The following BTG4 variants were observed in gnomAD, a reference collection of about 807,000 sequenced individuals.
BTG4 encodes protein BTG4.
In BTG4, 10 loss-of-function variants were observed where a neutral mutation model predicts 19.3. The observed-to-expected ratio is 0.52, with a 90% CI of 0.32 to 0.88. The LOEUF is 0.88. Among genes scored for constraint, BTG4 ranks in the 40% least tolerant of loss-of-function variants. The pLI, the probability that BTG4 is intolerant of heterozygous loss-of-function variation, is 0.04. For synonymous variants in BTG4, 91 were observed against 95.7 expected (o/e 0.95, Z 0.29); for missense variants, 238 against 281.9 (o/e 0.84, Z 1.11).
At chr11:111,387,532 C>T in the BTG4 span, among the ~76,000 whole-genome samples, 1 of 152,170 alleles carries the variant, frequency 6.6e-6, no homozygotes, top group African/African-American at 2.4e-5. Flanking sequence ...AGCCTGGCCT[C>T]CACAGCAGGC....
chr11:111,502,284 C>T (rs1866137920), intron 1 of BTG4, among the ~76,000 whole-genome samples: 1 of 152,058 alleles, frequency 6.6e-6, no homozygotes. Flanking sequence ...GACATTCTGA[C>T]TTAATTGGTA....
intron 1 of BTG4, among the ~76,000 whole-genome samples, chr11:111,503,889 C>T (rs1866262266): frequency 1.3e-5 from 2 of 152,076 alleles, no homozygotes; most frequent in Admixed American, 1.3e-4. Context: ...AAATCTGGTT[C>T]TACATTTGTC....
downstream of BTG4, among the ~76,000 whole-genome samples, chr11:111,466,549 G>T (rs1056107675): frequency 2.0e-5 from 3 of 152,152 alleles, no homozygotes; most frequent in Non-Finnish European, 4.4e-5. Flanking sequence ...TTTCCATAAA[G>T]GTGGACAGAA....
the BTG4 span, chr11:111,450,382 G>A: frequency 6.5e-6 from 1 of 152,766 alleles, no homozygotes; most frequent in South Asian, 2.1e-4. Context: ...ACGTGCTGTG[G>A]GCCATCCCTG....
Position 111,495,114 on chromosome 11 carries a change from A to T in BTG4, c.*21T>A. 1 of 1,510,358 alleles carries T rather than the reference A, an allele frequency of 6.6e-7. No homozygotes were observed. The highest frequency in any genetic ancestry group is 8.8e-7 in the Non-Finnish European group (1 of 1,132,058). 93.6% of individuals were successfully genotyped at this position (1,510,358 alleles called of 1,614,324 possible). On this transcript the variant is annotated 3_prime_UTR_variant, in exon 5 of 5. Transcript: ENST00000692032. The stretch of plus-strand genomic sequence containing the variant: ...AAGGCACTCCTCTGAGCTCTTGCCC[A>T]CCACGTGCCCAGTCGCTGCGTCATC...
chr11:111,453,223 G>A, the BTG4 span, among the ~76,000 whole-genome samples: 1 of 152,170 alleles, frequency 6.6e-6, no homozygotes, highest in Non-Finnish European at 1.5e-5. Flanking sequence ...TAGCAGTAGG[G>A]TGGAGGACAG....
chr11:111,432,854 TC>T, the BTG4 span, among the ~76,000 whole-genome samples: 1 of 152,084 alleles, frequency 6.6e-6, no homozygotes, highest in Admixed American at 6.5e-5. Context: ...AAGTAATATA[TC>T]TTTTTTTTTT....
intron 5 of BTG4, among the ~76,000 whole-genome samples, chr11:111,480,444 A>T (rs1864670062): frequency 6.6e-6 from 1 of 152,040 alleles, no homozygotes; most frequent in Non-Finnish European, 1.5e-5. Context: ...AGAACTCGAC[A>T]CCATCAATCA....
intron 5 of BTG4, among the ~76,000 whole-genome samples, chr11:111,468,380 T>G (rs1008544917): frequency 1.3e-5 from 2 of 152,208 alleles, no homozygotes; most frequent in African/African-American, 4.8e-5. Flanking sequence ...CACTATGGGG[T>G]ACTTTTGTTA....
chr11:111,469,293 T>A (rs1738523619), intron 5 of BTG4: 1 of 152,374 alleles, frequency 6.6e-6, no homozygotes, highest in Non-Finnish European at 1.5e-5. Context: ...ACATCACTGC[T>A]GGGGAACCCC....
chr11:111,464,070 C>T (rs1268909411), downstream of BTG4, among the ~76,000 whole-genome samples: 1 of 152,226 alleles, frequency 6.6e-6, no homozygotes, highest in East Asian at 1.9e-4. Flanking sequence ...AATCTCCACT[C>T]ACTGCAACCT....
the BTG4 span, among the ~76,000 whole-genome samples, chr11:111,404,941 T>C: frequency 6.6e-6 from 1 of 152,234 alleles, no homozygotes; most frequent in Non-Finnish European, 1.5e-5. Flanking sequence ...CCAACTGGAC[T>C]GCTAACTCTT....
the BTG4 span, among the ~76,000 whole-genome samples, chr11:111,429,385 C>A: frequency 6.6e-6 from 1 of 152,080 alleles, no homozygotes; most frequent in Admixed American, 6.5e-5. Flanking sequence ...GGAAATGGAA[C>A]AAGGGAGGTT....
the BTG4 span, among the ~76,000 whole-genome samples, chr11:111,449,070 G>A: frequency 7.9e-5 from 12 of 152,202 alleles, no homozygotes; most frequent in African/African-American, 2.9e-4. Flanking sequence ...CAACAAATGT[G>A]CATGTGAATT....
At chr11:111,511,114 G>A (rs929845582) in intron 1 of BTG4, among the ~76,000 whole-genome samples, 8 of 152,304 alleles carry the variant, frequency 5.3e-5, no homozygotes, top group South Asian at 2.1e-4. Context: ...CTAAAACACC[G>A]TGCCCCTCAC....
At chr11:111,419,137 A>G in the BTG4 span, among the ~76,000 whole-genome samples, 1 of 152,220 alleles carries the variant, frequency 6.6e-6, no homozygotes, top group Admixed American at 6.5e-5. Flanking sequence ...TAAAGACCTT[A>G]TCTCCAAATA....
At chr11:111,450,263 G>T in the BTG4 span, 1 of 152,374 alleles carries the variant, frequency 6.6e-6, no homozygotes, top group Admixed American at 6.6e-5. Flanking sequence ...GGCTGTGTTC[G>T]CCCTCCCTTC....
At chr11:111,423,827 A>T in the BTG4 span, among the ~76,000 whole-genome samples, 2 of 152,206 alleles carry the variant, frequency 1.3e-5, no homozygotes, top group African/African-American at 4.8e-5. Flanking sequence ...CACTTTCTGG[A>T]GGAGCTGTGA....
At chr11:111,400,383 T>G in the BTG4 span, among the ~76,000 whole-genome samples, 1 of 152,208 alleles carries the variant, frequency 6.6e-6, no homozygotes, top group African/African-American at 2.4e-5. Flanking sequence ...ACAAGAACTT[T>G]AGAACCCGCC....
Sources: allele counts gnomAD v4.1 joint callset (sites outside exome capture counted in the v4.1 genomes callset), GRCh38; gene constraint gnomAD v4.1.1; transcripts MANE v1.5; gene names NCBI Gene and HGNC (gene_info 2026-07-23, HGNC 2026-07-21).